The following GABRB2 variants were observed in gnomAD, a reference collection of about 807,000 sequenced individuals.
GABRB2 encodes the protein gamma-aminobutyric acid type A receptor subunit beta2, also known as gamma-aminobutyric acid receptor subunit beta-2.
Under a neutral mutation model 54.7 loss-of-function variants are expected in GABRB2, and 16 were observed. The ratio of observed to expected loss-of-function variants is 0.29; its 90% CI spans 0.20 to 0.44. The LOEUF is 0.44. Among genes scored for constraint, GABRB2 ranks in the 20% least tolerant of loss-of-function variants. GABRB2 has a pLI of 1.00. For missense variants in GABRB2, 355 were observed against 644.0 expected, an observed-to-expected ratio of 0.55 and a Z score of 4.86; for synonymous variants, 244 against 233.8, an observed-to-expected ratio of 1.04 and a Z score of -0.40.
chr5:161,346,641 T>A (rs1580903243), intron 5 of GABRB2, among the ~76,000 whole-genome samples: 1 of 152,108 alleles, frequency 6.6e-6, no homozygotes, highest in East Asian at 1.9e-4. Context: ...GCAGGCAGGA[T>A]GCTCCTGAAG....
intron 9 of GABRB2, among the ~76,000 whole-genome samples, chr5:161,300,394 C>T (rs1482583060): frequency 2.0e-5 from 3 of 152,076 alleles, no homozygotes; most frequent in Admixed American, 1.3e-4. Context: ...AGAACAGCAG[C>T]AGAACAGGAT....
At chr5:161,316,493 C>A (rs769405116) in intron 9 of GABRB2, among the ~76,000 whole-genome samples, 1 of 152,180 alleles carries the variant, frequency 6.6e-6, no homozygotes, top group Non-Finnish European at 1.5e-5. Context: ...TCAGGCTTAA[C>A]TATTCTTTCT....
At chr5:161,400,908 A>G (rs969334220) in intron 5 of GABRB2, among the ~76,000 whole-genome samples, 1 of 152,178 alleles carries the variant, frequency 6.6e-6, no homozygotes, top group Non-Finnish European at 1.5e-5. Context: ...CAGGTTTTAC[A>G]TAGAATTCAT....
At chr5:161,496,952 A>T (rs1759268250) in intron 3 of GABRB2, among the ~76,000 whole-genome samples, 2 of 152,142 alleles carry the variant, frequency 1.3e-5, no homozygotes. Flanking sequence ...ATAAGGCTGT[A>T]TTTCCCATCA....
chr5:161,518,245 C>T (rs1244536777), intron 3 of GABRB2, among the ~76,000 whole-genome samples: 1 of 152,058 alleles, frequency 6.6e-6, no homozygotes, highest in Admixed American at 6.6e-5. Flanking sequence ...GTAAGAATTC[C>T]TTTGAGAATA....
At chr5:161,407,977 T>G (rs1756395402) in intron 5 of GABRB2, among the ~76,000 whole-genome samples, 1 of 152,118 alleles carries the variant, frequency 6.6e-6, no homozygotes. Flanking sequence ...TATTAACCTT[T>G]TAGAGCCCTC....
At position 161,412,760 on chromosome 5, in the gene GABRB2, C is replaced by T. The variant is rs545828358; in HGVS notation, c.459-1703G>A. Among the ~76,000 whole-genome samples the T allele has an allele frequency of 4.6e-5, 7 of 152,192 alleles. No homozygotes were observed. The South Asian group carries it at 1.0e-3, about 23-fold the overall frequency. ...CCTGATCTTTATAGAGCCCTTGCTC[C>T]TGATCCCTCAGTTAAAAATGACCTT... On this transcript the variant is annotated intron_variant, in intron 4 of 9. Transcript: ENST00000393959.
chr5:161,501,886 T>G (rs924885557), intron 3 of GABRB2, among the ~76,000 whole-genome samples: 5 of 149,212 alleles, frequency 3.4e-5, no homozygotes, highest in African/African-American at 1.2e-4. Flanking sequence ...ATATAAAATA[T>G]CTTAATAAAC....
At chr5:161,501,215 G>A (rs17462861) in intron 3 of GABRB2, among the ~76,000 whole-genome samples, 31,106 of 151,860 alleles carry the variant, frequency 0.2, 3,629 homozygotes, top group Non-Finnish European at 0.27. Context: ...ATCACAAAGA[G>A]CTACGCGCAT....
At chr5:161,437,116 G>C (rs1485317339) in intron 4 of GABRB2, among the ~76,000 whole-genome samples, 1 of 152,160 alleles carries the variant, frequency 6.6e-6, no homozygotes, top group Non-Finnish European at 1.5e-5. Flanking sequence ...CCCAGAGACA[G>C]TGGACTGAGA....
intron 5 of GABRB2, among the ~76,000 whole-genome samples, chr5:161,348,598 G>A (rs1469139645): frequency 6.6e-6 from 1 of 151,914 alleles, no homozygotes; most frequent in Non-Finnish European, 1.5e-5. Context: ...AAGTGTCTCT[G>A]GACCACACTT....
Position 161,518,030 on chromosome 5 carries a change from G to A in GABRB2, c.237+27197C>T, listed in dbSNP as rs543356791. Among the ~76,000 whole-genome samples the A allele has an allele frequency of 1.7e-3, 264 of 152,142 alleles. 1 individual carries two copies. Among genetic ancestry groups the A allele is most frequent in the African/African-American group, 6.0e-3 (250 of 41,512 alleles). ...TCCCCGTGTTACTCAGGATGCCCTC[G>A]ATCTCCTGACCTCGTGATCGGCCCG... On this transcript the variant is annotated intron_variant, in intron 3 of 9. Transcript: ENST00000393959.
At chr5:161,497,512 G>C (rs1759288579) in intron 3 of GABRB2, among the ~76,000 whole-genome samples, 1 of 130,920 alleles carries the variant, frequency 7.6e-6, no homozygotes, top group Non-Finnish European at 1.6e-5. Flanking sequence ...TGGACTTTGT[G>C]TGTGTGAGTG....
chr5:161,507,943 G>A (rs1221679974), intron 3 of GABRB2, among the ~76,000 whole-genome samples: 4 of 151,498 alleles, frequency 2.6e-5, no homozygotes, highest in Non-Finnish European at 5.9e-5. Flanking sequence ...CAGTTTGGCA[G>A]AATCTTATAA....
intron 4 of GABRB2, chr5:161,459,408 T>C (rs975291425): frequency 3.5e-6 from 2 of 575,678 alleles, no homozygotes; most frequent in African/African-American, 1.9e-5. Flanking sequence ...GCAGCTGATA[T>C]TGGAAGATAA....
intron 3 of GABRB2, among the ~76,000 whole-genome samples, chr5:161,511,870 C>G (rs1230688567): frequency 6.6e-6 from 1 of 152,000 alleles, no homozygotes; most frequent in Non-Finnish European, 1.5e-5. Flanking sequence ...CCTAACCTCA[C>G]TTTAACTTGA....
chr5:161,531,874 A>G (rs929184983), intron 3 of GABRB2, among the ~76,000 whole-genome samples: 1 of 152,118 alleles, frequency 6.6e-6, no homozygotes, highest in Non-Finnish European at 1.5e-5. Flanking sequence ...ATAAATAAAT[A>G]TTTATTTATT....
chr5:161,390,054 T>A (rs1351079595), intron 5 of GABRB2, among the ~76,000 whole-genome samples: 1 of 152,052 alleles, frequency 6.6e-6, no homozygotes, highest in Non-Finnish European at 1.5e-5. Context: ...TATTACTTGG[T>A]GTTAGTTTTC....
intron 3 of GABRB2, among the ~76,000 whole-genome samples, chr5:161,462,283 A>G (rs558288191): frequency 6.6e-6 from 1 of 152,220 alleles, no homozygotes; most frequent in Non-Finnish European, 1.5e-5. Flanking sequence ...TCTCTAGAGG[A>G]GCATGTTAAT....
Sources: gnomAD v4.1 joint callset for allele counts (sites outside exome capture counted in the v4.1 genomes callset) on GRCh38, gnomAD v4.1.1 for gene constraint, MANE v1.5 for transcripts, NCBI Gene and HGNC (gene_info 2026-07-23, HGNC 2026-07-21) for gene names.